Variants in NFE2L3 observed in about 807,000 individuals in gnomAD.
NFE2L3 encodes the protein nuclear factor erythroid 2-related factor 3.
Under a neutral mutation model 23.5 loss-of-function variants are expected in NFE2L3, and 18 were observed. The ratio of observed to expected loss-of-function variants is 0.77; its 90% confidence interval spans 0.53 to 1.13. NFE2L3 has a LOEUF of 1.13. Among genes scored for constraint, NFE2L3 ranks in the 50% most tolerant of loss-of-function variants. The pLI, the probability that NFE2L3 is intolerant of heterozygous loss-of-function variation, is 0.00. For missense variants in NFE2L3, 1,152 were observed against 877.2 expected, an observed-to-expected ratio of 1.31 and a Z score of -3.96; for synonymous variants, 424 against 354.5, an observed-to-expected ratio of 1.20 and a Z score of -2.20.
chr7:26,180,965 C>CT (rs112896552), intron 2 of NFE2L3, among the ~76,000 whole-genome samples: 4,605 of 146,020 alleles, frequency 0.032, 153 homozygotes, highest in East Asian at 0.11. Context: ...GTACTTAACA[C>CT]TTTTTTTTTT....
intron 1 of NFE2L3, among the ~76,000 whole-genome samples, chr7:26,173,075 T>C (rs1425203879): frequency 1.3e-5 from 2 of 152,210 alleles, no homozygotes; most frequent in African/African-American, 2.4e-5. Context: ...TCATTGATTC[T>C]TTTATTCAAC....
At chr7:26,175,853 CTTTTTTTTT>C (rs70943276) in intron 1 of NFE2L3, among the ~76,000 whole-genome samples, 1 of 111,646 alleles carries the variant, frequency 9.0e-6, no homozygotes, top group Non-Finnish European at 1.9e-5. Context: ...ATTTTCTTTT[CTTTTTTTTT>C]TTTTTTTTTT....
At position 26,177,930 on chromosome 7, in the gene NFE2L3, C is replaced by T. The variant is rs528557159; in HGVS notation, c.571-13C>T. ...ACTGTTTGCTTATTTGATGAAATTT[C>T]GTACTTTTATAGGAGAATGGGGTAC... On this transcript the variant is annotated splice_polypyrimidine_tract_variant and intron_variant, in intron 1 of 3. Transcript: ENST00000056233. The T allele has an allele frequency of 1.2e-5, 20 of 1,602,170 alleles. No homozygotes were observed. In the South Asian group the frequency reaches 1.3e-4, roughly 11 times the overall value.
rs536630359 is a variant in NFE2L3, at chr7:26,186,807, C to A, written c.*1024C>A. ...AAAAACAGGTGAATTTGAAAATAAA[C>A]CAGGGTAAGGTAAATTCTAGAAATA... On this transcript the variant is annotated 3_prime_UTR_variant, in exon 4 of 4. Transcript: ENST00000056233. 7 of 152,012 alleles carry A rather than the reference C, an allele frequency of 4.6e-5. No individual in the cohort carries two copies. The highest frequency in any genetic ancestry group is 1.4e-4 in the African/African-American group (6 of 41,392). The allele number at this position is 152,012 out of a possible 1,614,324, so 9.4% of individuals were successfully genotyped here. A position where few individuals can be genotyped will look rare whatever the true frequency, so the allele number is the denominator to read the frequency against.
Position 26,186,951 on chromosome 7 carries a change from A to G in NFE2L3, c.*1168A>G, listed in dbSNP as rs1243997064. The G allele has an allele frequency of 3.3e-5, 5 of 152,236 alleles. No individual in the cohort carries two copies. Among genetic ancestry groups the G allele is most frequent in the African/African-American group, 7.2e-5 (3 of 41,456 alleles). The allele number at this position is 152,236 out of a possible 1,614,324, so 9.4% of individuals were successfully genotyped here. A position where few individuals can be genotyped will look rare whatever the true frequency, so the allele number is the denominator to read the frequency against. ...TGACTCAAGTTTGGGGAACATCAAG[A>G]TTTTGACGGGTACTATAATGCTTAA... On this transcript the variant is annotated 3_prime_UTR_variant, in exon 4 of 4. Transcript: ENST00000056233.
rs761345495 is a variant in NFE2L3, at chr7:26,185,057, T to C, written c.1359T>C (p.His453=). ...GTGCTATAGGTTATTGCACTGACCA[T>C]GAATCTAGTTCCCATCATGACTTAG... is the stretch of plus-strand genomic sequence containing the variant. The part of the protein sequence containing the change: ...DEGAIGYCTD[H]ESSSHHDLEG... Residue 453 remains histidine (H), a synonymous_variant, in exon 4 of 4, where the codon CAT becomes CAC. Coordinates refer to ENST00000056233, the MANE Select transcript of NFE2L3 (RefSeq NM_004289.7). 4 of 1,613,668 alleles carry C rather than the reference T, an allele frequency of 2.5e-6. No individual in the cohort carries two copies. Among genetic ancestry groups the C allele is most frequent in the South Asian group, 1.1e-5 (1 of 91,076 alleles).
intron 1 of NFE2L3, among the ~76,000 whole-genome samples, chr7:26,155,815 C>A (rs1036965799): frequency 2.0e-5 from 3 of 152,166 alleles, no homozygotes; most frequent in African/African-American, 7.2e-5. Flanking sequence ...TATGCCCTCC[C>A]ATAAGCTGCT....
intron 1 of NFE2L3, among the ~76,000 whole-genome samples, chr7:26,160,942 G>A (rs113657802): frequency 3.9e-4 from 60 of 152,342 alleles, no homozygotes; most frequent in Middle Eastern, 6.8e-3. Context: ...AGGATTAAAT[G>A]ACACTGTATG....
rs1213700266 is a variant in NFE2L3, at chr7:26,185,840, T to C, written c.*57T>C. ...AGTAGTAATGTTCAGAAACTGATTA[T>C]TTGGATCAGAAACCATTGAAACTGC... On this transcript the variant is annotated 3_prime_UTR_variant, in exon 4 of 4. Transcript: ENST00000056233. 2.9e-6 allele frequency: 4 copies of C among 1,386,148 alleles called. No individual in the cohort carries two copies. Among genetic ancestry groups the C allele is most frequent in the Non-Finnish European group, 3.9e-6 (4 of 1,027,364 alleles). The allele number at this position is 1,386,148 out of a possible 1,614,324, so 85.9% of individuals were successfully genotyped here.
chr7:26,170,722 T>A (rs1784319637), intron 1 of NFE2L3, among the ~76,000 whole-genome samples: 1 of 152,176 alleles, frequency 6.6e-6, no homozygotes, highest in Non-Finnish European at 1.5e-5. Context: ...TCCCAATTCT[T>A]TTTTCAAAAC....
At chr7:26,167,019 A>G (rs961755326) in intron 1 of NFE2L3, among the ~76,000 whole-genome samples, 1 of 152,228 alleles carries the variant, frequency 6.6e-6, no homozygotes, top group African/African-American at 2.4e-5. Context: ...CTCAGATCCC[A>G]GTACAGCATA....
intron 1 of NFE2L3, among the ~76,000 whole-genome samples, chr7:26,171,879 G>A (rs1296348820): frequency 6.6e-6 from 1 of 152,220 alleles, no homozygotes; most frequent in Non-Finnish European, 1.5e-5. Flanking sequence ...AATGTAAGAT[G>A]TGAAGGGGGC....
intron 1 of NFE2L3, among the ~76,000 whole-genome samples, chr7:26,176,315 CTT>C (rs1470347523): frequency 1.2e-4 from 18 of 152,262 alleles, no homozygotes; most frequent in African/African-American, 4.3e-4. Flanking sequence ...ACATTTCCCC[CTT>C]TTCTTTTTGA....
intron 1 of NFE2L3, among the ~76,000 whole-genome samples, chr7:26,173,196 T>A (rs1784351641): frequency 6.6e-6 from 1 of 152,234 alleles, no homozygotes; most frequent in South Asian, 2.1e-4. Context: ...CTTCTCTTCC[T>A]GAGTTTTCAG....
At chr7:26,180,553 A>C (rs991210749) in intron 2 of NFE2L3, among the ~76,000 whole-genome samples, 4 of 152,172 alleles carry the variant, frequency 2.6e-5, no homozygotes, top group Non-Finnish European at 5.9e-5. Context: ...ATTTCTGCCC[A>C]CTTCCCTGAG....
At chr7:26,174,031 A>T (rs1304415328) in intron 1 of NFE2L3, 1 of 152,218 alleles carries the variant, frequency 6.6e-6, no homozygotes, top group Non-Finnish European at 1.5e-5. Flanking sequence ...TCAGGAGGAT[A>T]AGAGGGTTGA....
intron 2 of NFE2L3, among the ~76,000 whole-genome samples, chr7:26,182,832 C>T (rs1287706485): frequency 2.0e-5 from 3 of 152,132 alleles, no homozygotes; most frequent in Non-Finnish European, 1.5e-5. Flanking sequence ...AGATCTCATT[C>T]TGTTAGGCTG....
At chr7:26,157,514 A>T (rs1489481318) in intron 1 of NFE2L3, among the ~76,000 whole-genome samples, 1 of 152,172 alleles carries the variant, frequency 6.6e-6, no homozygotes, top group Admixed American at 6.5e-5. Flanking sequence ...ATTGTTTTTC[A>T]TTTCAGAATA....
At chr7:26,175,778 C>CA (rs766870480) in intron 1 of NFE2L3, among the ~76,000 whole-genome samples, 8,037 of 80,236 alleles carry the variant, frequency 0.1, 543 homozygotes, top group East Asian at 0.44. Flanking sequence ...GACTCTGTCT[C>CA]AAAAAAAAAA....
Sources: allele counts gnomAD v4.1 joint callset (sites outside exome capture counted in the v4.1 genomes callset), GRCh38; gene constraint gnomAD v4.1.1; transcripts MANE v1.5; gene names NCBI Gene and HGNC (gene_info 2026-07-23, HGNC 2026-07-21).